Variants in APAF1 observed in about 807,000 individuals in gnomAD.
The protein encoded by APAF1 is apoptotic protease-activating factor 1.
A neutral mutation model predicts 152.4 loss-of-function variants in APAF1; 91 were observed. That is an observed-to-expected ratio of 0.60 (90% CI 0.50 to 0.71). The LOEUF (loss-of-function observed/expected upper bound fraction) is 0.71, where lower values mean the gene tolerates loss of function less well. Among genes scored for constraint, APAF1 ranks in the 30% least tolerant of loss-of-function variants. The pLI, the probability that APAF1 is intolerant of heterozygous loss-of-function variation, is 0.00. For synonymous variants in APAF1, 484 were observed against 494.1 expected (o/e 0.98, Z 0.27); for missense variants, 1,283 against 1,472.0 (o/e 0.87, Z 2.10).
At chr12:98,686,012 TAAATATAAA>T (rs1428906495) in intron 15 of APAF1, among the ~76,000 whole-genome samples, 1 of 152,204 alleles carries the variant, frequency 6.6e-6, no homozygotes, top group Non-Finnish European at 1.5e-5. Flanking sequence ...TCAGAGATCT[TAAATATAAA>T]TACTATGTTT....
chr12:98,697,609 C>T (rs1260196953), intron 16 of APAF1, among the ~76,000 whole-genome samples: 2 of 152,134 alleles, frequency 1.3e-5, no homozygotes, highest in South Asian at 2.1e-4. Context: ...ACAGAGCACT[C>T]GCAGCAGGGG....
At chr12:98,689,098 A>C (rs934010399) in intron 16 of APAF1, among the ~76,000 whole-genome samples, 3 of 152,162 alleles carry the variant, frequency 2.0e-5, no homozygotes, top group African/African-American at 4.8e-5. Flanking sequence ...TATAGGAGTG[A>C]GCCACTGCAT....
intron 12 of APAF1, 115 bp downstream of exon 12, chr12:98,671,834 C>A: frequency 2.1e-6 from 2 of 951,428 alleles, no homozygotes; most frequent in Non-Finnish European, 1.7e-6. Context: ...AGGGCTGGAA[C>A]TTTTAATAAG....
At position 98,649,722 on chromosome 12, in the gene APAF1, G is replaced by A. The variant is rs771540360; in HGVS notation, c.526+38G>A. Reference sequence around the variant, plus strand: ...GTCCATTTCATAGTCTAGTAAGGTAGATAGACATGTAAAAATATTATGATA... The same window carrying A: ...GTCCATTTCATAGTCTAGTAAGGTAAATAGACATGTAAAAATATTATGATA... On this transcript the variant is annotated intron_variant, in intron 4 of 26. Transcript: ENST00000551964. 5 of 1,550,532 alleles carry A rather than the reference G, an allele frequency of 3.2e-6. No homozygotes were observed. The East Asian group carries it at 1.1e-4, about 35-fold the overall frequency.
rs796229067 is a variant in APAF1 at position 98,688,646 on chromosome 12, T to TC, written c.2304+1773_2304+1774insC. The stretch of plus-strand genomic sequence containing the variant: ...CCATCACACCTGGCGAAATTTTTTT[T>TC]TTTTTTTTTTTTTTAGAGATAGGAT... On this transcript the variant is annotated intron_variant, in intron 16 of 26. Coordinates refer to ENST00000551964, the MANE Select transcript of APAF1 (RefSeq NM_181861.2). Among the ~76,000 whole-genome samples, 91 of 150,424 alleles carry TC rather than the reference T, an allele frequency of 6.0e-4. 1 individual carries two copies. The highest frequency in any genetic ancestry group is 1.7e-3 in the African/African-American group (69 of 41,194).
At chr12:98,665,471 A>C in intron 7 of APAF1, 82 bp from the exon 8 acceptor site, 2 of 935,320 alleles carry the variant, frequency 2.1e-6, no homozygotes, top group South Asian at 2.6e-5. Context: ...ATTGTTTCTT[A>C]GTAATGTAAG....
intron 12 of APAF1, among the ~76,000 whole-genome samples, chr12:98,672,438 T>C (rs138329204): frequency 6.6e-6 from 1 of 152,314 alleles, no homozygotes; most frequent in Non-Finnish European, 1.5e-5. Flanking sequence ...GTGCTGGGAC[T>C]ACAGGCATGA....
chr12:98,656,116 C>T (rs1409551280), intron 4 of APAF1, among the ~76,000 whole-genome samples: 4 of 151,970 alleles, frequency 2.6e-5, no homozygotes, highest in Admixed American at 6.6e-5. Flanking sequence ...TTTTTAGGGA[C>T]GTGGTTTCAC....
At chr12:98,651,667 T>A (rs1449544032) in intron 4 of APAF1, among the ~76,000 whole-genome samples, 6 of 108,800 alleles carry the variant, frequency 5.5e-5, no homozygotes, top group Non-Finnish European at 8.8e-5. Flanking sequence ...TTTATTTTTG[T>A]TTTTTTTTAA....
chr12:98,659,858 C>T (rs2097662814), intron 5 of APAF1, among the ~76,000 whole-genome samples: 1 of 151,774 alleles, frequency 6.6e-6, no homozygotes, highest in Non-Finnish European at 1.5e-5. Flanking sequence ...GCCACTCGGC[C>T]TAAAATTGCT....
At chr12:98,671,206 T>C in intron 11 of APAF1, 120 bp downstream of exon 11, 5 of 729,800 alleles carry the variant, frequency 6.9e-6, no homozygotes, top group Non-Finnish European at 1.1e-5. Context: ...TTTCCCTCCT[T>C]TGATTTTTGG....
At position 98,649,061 on chromosome 12, in the gene APAF1, T is replaced by C. The variant is rs1406068768; in HGVS notation, c.328+246T>C. The C allele has an allele frequency of 9.1e-6, 7 of 767,924 alleles. No individual in the cohort carries two copies. In the African/African-American group the frequency reaches 1.2e-4, roughly 13 times the overall value. The allele number at this position is 767,924 out of a possible 1,614,324, so 47.6% of individuals were successfully genotyped here. A position where few individuals can be genotyped will look rare whatever the true frequency, so the allele number is the denominator to read the frequency against. On this transcript the variant is annotated intron_variant, in intron 3 of 26. Coordinates refer to ENST00000551964, the MANE Select transcript of APAF1 (RefSeq NM_181861.2). ...TGTCTACCCTAATTTTTAGAGACAATAAGACAATTTATAGGCCCTTGTTTA... is the reference window on the plus strand; with the variant it reads ...TGTCTACCCTAATTTTTAGAGACAACAAGACAATTTATAGGCCCTTGTTTA...
intron 7 of APAF1, among the ~76,000 whole-genome samples, chr12:98,663,581 A>G (rs2097668266): frequency 6.6e-6 from 1 of 152,148 alleles, no homozygotes; most frequent in African/African-American, 2.4e-5. Flanking sequence ...TTAAAATTTT[A>G]AACAGTCAAA....
chr12:98,722,136 C>G (rs1041721104), intron 22 of APAF1, among the ~76,000 whole-genome samples: 1 of 152,178 alleles, frequency 6.6e-6, no homozygotes, highest in African/African-American at 2.4e-5. Flanking sequence ...TTTCCCTGCT[C>G]CTATACTTTA....
In APAF1 at chr12:98,651,308, A is replaced by G. The variant is rs542476410; in HGVS notation, c.526+1624A>G. On this transcript the variant is annotated intron_variant, in intron 4 of 26. Transcript: ENST00000551964. ...CTTTCCCCTCTCCATGGACAATCCTAATGTATTTAATGTATGTTCTTTGTA... is the reference window on the plus strand; with the variant it reads ...CTTTCCCCTCTCCATGGACAATCCTGATGTATTTAATGTATGTTCTTTGTA... 5.3e-4 allele frequency among the ~76,000 whole-genome samples: 80 copies of G among 152,276 alleles called. 1 individual carries two copies. The highest frequency in any genetic ancestry group is 1.4e-3 in the Admixed American group (21 of 15,292).
chr12:98,689,459 AGAGAG>A (rs2153328307), intron 16 of APAF1, among the ~76,000 whole-genome samples: 1 of 133,956 alleles, frequency 7.5e-6, no homozygotes, highest in South Asian at 2.5e-4. Flanking sequence ...AGAGAGAGAG[AGAGAG>A]TGTGTGTGTC....
chr12:98,715,312 G>GCAC (rs1255929562), intron 21 of APAF1, 115 bp from the exon 22 acceptor site: 2 of 632,364 alleles, frequency 3.2e-6, no homozygotes, highest in Non-Finnish European at 5.2e-6. Context: ...TAGGCTGGAA[G>GCAC]CACCAGATGG....
intron 10 of APAF1, among the ~76,000 whole-genome samples, chr12:98,668,928 G>C (rs2097676781): frequency 6.6e-6 from 1 of 152,196 alleles, no homozygotes; most frequent in Non-Finnish European, 1.5e-5. Context: ...GATGGTATTT[G>C]ATTGAAGTCA....
chr12:98,712,741 T>A, intron 21 of APAF1: 1 of 316,628 alleles, frequency 3.2e-6, no homozygotes, highest in South Asian at 3.2e-5. Flanking sequence ...CTCAAACTCC[T>A]GGGTTTAAGC....
Sources: allele counts gnomAD v4.1 joint callset (sites outside exome capture counted in the v4.1 genomes callset), GRCh38; gene constraint gnomAD v4.1.1; transcripts MANE v1.5; gene names NCBI Gene and HGNC (gene_info 2026-07-23, HGNC 2026-07-21).